Variants in HRH2 observed in about 807,000 individuals in gnomAD.
HRH2 encodes histamine receptor H2, also known as histamine H2 receptor.
A neutral mutation model predicts 20.1 loss-of-function variants in HRH2; 4 were observed. The observed-to-expected ratio is 0.20, with a 90% CI of 0.10 to 0.45. The LOEUF is 0.45. Among genes scored for constraint, HRH2 ranks in the 20% least tolerant of loss-of-function variants. The probability of loss-of-function intolerance (pLI) is 0.99; values close to 1 mark genes in which losing one functional copy is unlikely to be tolerated. For missense variants in HRH2, 250 were observed against 461.6 expected, an observed-to-expected ratio of 0.54 and a Z score of 4.20; for synonymous variants, 197 against 200.7, an observed-to-expected ratio of 0.98 and a Z score of 0.16.
chr5:175,700,650 AG>A (rs1328635030), intron 2 of HRH2, among the ~76,000 whole-genome samples: 1 of 152,172 alleles, frequency 6.6e-6, no homozygotes, highest in African/African-American at 2.4e-5. Context: ...GCACCTTGGG[AG>A]GCCGAGGCAG....
chr5:175,678,775 T>A (rs1755851233), intron 1 of HRH2, among the ~76,000 whole-genome samples: 2 of 152,172 alleles, frequency 1.3e-5, no homozygotes, highest in Non-Finnish European at 2.9e-5. Flanking sequence ...CTTAACTGAT[T>A]CCCCCAAATT....
At chr5:175,673,800 G>A (rs1408100968) in intron 1 of HRH2, among the ~76,000 whole-genome samples, 1 of 151,726 alleles carries the variant, frequency 6.6e-6, no homozygotes, top group African/African-American at 2.4e-5. Context: ...GCCCCCCTGG[G>A]TTTAAGCCAT....
intron 2 of HRH2, among the ~76,000 whole-genome samples, chr5:175,697,377 G>A (rs1485577816): frequency 6.6e-6 from 1 of 150,906 alleles, no homozygotes; most frequent in Non-Finnish European, 1.5e-5. Context: ...GCAGGAGAAT[G>A]GCATGAACCC....
intron 1 of HRH2, among the ~76,000 whole-genome samples, chr5:175,667,583 C>A (rs1015141755): frequency 2.6e-5 from 4 of 152,016 alleles, no homozygotes; most frequent in Non-Finnish European, 5.9e-5. Context: ...TTTTGGCTGT[C>A]CCCCCACATC....
intron 2 of HRH2, among the ~76,000 whole-genome samples, chr5:175,707,415 AC>A (rs1283839911): frequency 6.6e-6 from 1 of 152,210 alleles, no homozygotes; most frequent in Non-Finnish European, 1.5e-5. Context: ...GGGCAACAGA[AC>A]AAGACCCTGT....
chr5:175,668,692 C>T (rs1755404962), intron 1 of HRH2, among the ~76,000 whole-genome samples: 1 of 152,078 alleles, frequency 6.6e-6, no homozygotes, highest in African/African-American at 2.4e-5. Flanking sequence ...AGGGCCCAGG[C>T]TGGTCAGTGA....
At chr5:175,696,393 C>A (rs562938528) in intron 2 of HRH2, among the ~76,000 whole-genome samples, 76 of 152,272 alleles carry the variant, frequency 5.0e-4, no homozygotes, top group Middle Eastern at 3.4e-3. Flanking sequence ...AGGCAGGGAG[C>A]CCCCCACTTT....
At position 175,673,702 on chromosome 5, in the gene HRH2, T is replaced by C. The variant is rs373839639; in HGVS notation, c.-525-9007T>C. Among the ~76,000 whole-genome samples the C allele has an allele frequency of 3.6e-3, 545 of 151,736 alleles. 2 individuals are homozygous for C. Among genetic ancestry groups the C allele is most frequent in the African/African-American group, 0.013 (525 of 41,374 alleles). On this transcript the variant is annotated intron_variant, in intron 1 of 2. Coordinates refer to ENST00000636584, the MANE Select transcript of HRH2 (RefSeq NM_001367711.1). The stretch of plus-strand genomic sequence containing the variant: ...TTATGTGAATTTCACCTCAGTTTTT[T>C]TTTTTTGTTTTTTTTTTTTTTGACG...
At chr5:175,660,032 G>A (rs1285816420) in intron 1 of HRH2, among the ~76,000 whole-genome samples, 1 of 152,156 alleles carries the variant, frequency 6.6e-6, no homozygotes, top group Non-Finnish European at 1.5e-5. Context: ...TGAGCTCACA[G>A]GCACATTCCA....
rs575098372 is a variant in HRH2, at chr5:175,681,926, G to A, written c.-525-783G>A. On this transcript the variant is annotated intron_variant, in intron 1 of 2. Transcript: ENST00000636584. The surrounding 1 kb of genome is among the most constrained non-coding windows in gnomAD (Gnocchi z 4.3). ...CGTGGATGACAGGTGACGAACTGCC[G>A]ATTAAATCTGGCCCTCTGCCTGGCT... Among the ~76,000 whole-genome samples the A allele has an allele frequency of 1.6e-4, 24 of 152,306 alleles. No homozygotes were observed. Among genetic ancestry groups the A allele is most frequent in the Admixed American group, 1.1e-3 (17 of 15,296 alleles).
chr5:175,703,430 A>G (rs1756852326), intron 2 of HRH2, among the ~76,000 whole-genome samples: 1 of 152,248 alleles, frequency 6.6e-6, no homozygotes, highest in Admixed American at 6.5e-5. Flanking sequence ...AACGCTACTC[A>G]AAAGGAAATA....
rs1757060338 is a variant in HRH2 at position 175,710,499 on chromosome 5, C to T, written c.*2528C>T. 1 of 152,254 alleles carries T rather than the reference C, an allele frequency of 6.6e-6. No homozygotes were observed. Among genetic ancestry groups the T allele is most frequent in the South Asian group, 2.1e-4 (1 of 4,830 alleles). The allele number at this position is 152,254 out of a possible 1,614,324, so 9.4% of individuals were successfully genotyped here. Reference sequence around the variant, plus strand: ...TCTCTCAGTCACGGCCACATGACCTCAAGTGAAAACAAACCAGTCTGGCTG... The same window carrying T: ...TCTCTCAGTCACGGCCACATGACCTTAAGTGAAAACAAACCAGTCTGGCTG... On this transcript the variant is annotated 3_prime_UTR_variant, in exon 3 of 3. Coordinates refer to ENST00000636584, the MANE Select transcript of HRH2 (RefSeq NM_001367711.1).
chr5:175,661,986 C>T (rs1199455513), intron 1 of HRH2, among the ~76,000 whole-genome samples: 3 of 152,014 alleles, frequency 2.0e-5, no homozygotes, highest in African/African-American at 7.3e-5. Flanking sequence ...TGTGCCACTG[C>T]ACTCCAGCCT....
At chr5:175,668,034 T>C (rs1329057384) in intron 1 of HRH2, among the ~76,000 whole-genome samples, 1 of 152,210 alleles carries the variant, frequency 6.6e-6, no homozygotes, top group East Asian at 1.9e-4. Context: ...GCTGTGTCTC[T>C]TTGAAACCTC....
At chr5:175,672,267 C>T (rs1290947258) in intron 1 of HRH2, among the ~76,000 whole-genome samples, 2 of 152,104 alleles carry the variant, frequency 1.3e-5, no homozygotes, top group African/African-American at 4.8e-5. Context: ...GCAGTTTTGC[C>T]CCTGGGTGGC....
At chr5:175,676,360 G>A (rs974646778) in intron 1 of HRH2, among the ~76,000 whole-genome samples, 5 of 152,180 alleles carry the variant, frequency 3.3e-5, no homozygotes, top group Non-Finnish European at 5.9e-5. Flanking sequence ...GCTTGCTACC[G>A]CCCTCAGAGC....
At position 175,708,273 on chromosome 5, in the gene HRH2, G is replaced by A. The variant is rs1019706430; in HGVS notation, c.*302G>A. The stretch of plus-strand genomic sequence containing the variant: ...GAGCAGAGACGGTGGGACAGACGGG[G>A]ATGCGTGCACATGTGTGTGCATGGG... On this transcript the variant is annotated 3_prime_UTR_variant, in exon 3 of 3. Coordinates refer to ENST00000636584, the MANE Select transcript of HRH2 (RefSeq NM_001367711.1). The A allele has an allele frequency of 7.2e-6, 2 of 279,140 alleles. No homozygotes were observed. Among genetic ancestry groups the A allele is most frequent in the African/African-American group, 2.2e-5 (1 of 45,980 alleles). 17.3% of individuals were successfully genotyped at this position (279,140 alleles called of 1,614,324 possible).
chr5:175,680,577 G>A (rs890085846), intron 1 of HRH2, among the ~76,000 whole-genome samples: 1 of 152,172 alleles, frequency 6.6e-6, no homozygotes, highest in Non-Finnish European at 1.5e-5. Context: ...TAGCTATGAT[G>A]GTGACAATGA....
Position 175,683,327 on chromosome 5 carries a change from A to G in HRH2, c.94A>G (p.Thr32Ala). The change falls in exon 2 of 3, where the codon ACC (threonine) becomes GCC (alanine). Residue 32 changes from threonine (T) to alanine (A), a missense_variant. Physicochemically the swap from Thr to Ala is moderately conservative, Grantham distance 58. Around this residue, in one of 5 missense-constraint regions of HRH2, gnomAD observed 86 missense variants for 176.4 expected, o/e 0.49. Transcript: ENST00000636584. ...GGTCCTTGCGGTCCTCATCCTCATC[A>G]CCGTTGCTGGCAATGTGGTCGTCTG... ...TVVLAVLILI[T>A]VAGNVVVCLA... 1 of 1,613,898 alleles carries G rather than the reference A, an allele frequency of 6.2e-7. No individual in the cohort carries two copies. Among genetic ancestry groups the G allele is most frequent in the Non-Finnish European group, 8.5e-7 (1 of 1,179,974 alleles).
Sources: allele counts gnomAD v4.1 joint callset (sites outside exome capture counted in the v4.1 genomes callset), GRCh38; gene constraint gnomAD v4.1.1; regional missense constraint gnomAD v4.1.1; non-coding constraint Gnocchi (gnomAD v3.1); transcripts MANE v1.5; gene names NCBI Gene and HGNC (gene_info 2026-07-23, HGNC 2026-07-21).